The following PAQR5 variants were observed in gnomAD, a reference collection of about 807,000 sequenced individuals.
The protein encoded by PAQR5 is progestin and adipoQ receptor family member 5, also known as membrane progestin receptor gamma.
A neutral mutation model predicts 34.5 loss-of-function variants in PAQR5; 20 were observed. That is an observed-to-expected ratio of 0.58 (90% CI 0.41 to 0.84). The LOEUF is 0.84. Ranked by LOEUF, PAQR5 falls within the 40% of genes least tolerant of loss-of-function variation. The pLI is 0.00. For synonymous variants in PAQR5, 131 were observed against 155.6 expected (o/e 0.84, Z 1.18); for missense variants, 378 against 412.7 (o/e 0.92, Z 0.73).
chr15:69,378,436 C>CAAA lies in PAQR5; in HGVS notation c.52-1426_52-1424dup, dbSNP rs1235264927. 7.5e-3 allele frequency among the ~76,000 whole-genome samples: 385 copies of CAAA among 51,118 alleles called. 7 individuals carry two copies. The highest frequency in any genetic ancestry group is 0.032 in the Middle Eastern group (2 of 62). The allele number at this position is 51,118 out of a possible 152,430, so 33.5% of individuals were successfully genotyped here. On this transcript the variant is annotated intron_variant, in intron 3 of 8. Coordinates refer to ENST00000395407, the MANE Select transcript of PAQR5 (RefSeq NM_017705.4). ...TGGGCTTCAGATCAAGACCCTGTCT[C>CAAA]AAAAAAAAAAAAAAAAAAAAAAAGA...
At position 69,403,992 on chromosome 15, in the gene PAQR5, A is replaced by G; in HGVS notation, c.*170A>G. 1 of 665,152 alleles carries G rather than the reference A, an allele frequency of 1.5e-6. No individual in the cohort carries two copies. Among genetic ancestry groups the G allele is most frequent in the Non-Finnish European group, 2.5e-6 (1 of 399,880 alleles). The allele number at this position is 665,152 out of a possible 1,614,324, so 41.2% of individuals were successfully genotyped here. On this transcript the variant is annotated 3_prime_UTR_variant, in exon 9 of 9. Coordinates refer to ENST00000395407, the MANE Select transcript of PAQR5 (RefSeq NM_017705.4). ...TATTCAGCTGGGGAAATTTCTCTAAATGTACACTGATTCTGTGTGTGTGAT... is the reference window on the plus strand; with the variant it reads ...TATTCAGCTGGGGAAATTTCTCTAAGTGTACACTGATTCTGTGTGTGTGAT...
chr15:69,315,861 A>T (rs931061852), intron 1 of PAQR5, among the ~76,000 whole-genome samples: 2 of 152,008 alleles, frequency 1.3e-5, no homozygotes, highest in Non-Finnish European at 2.9e-5. Flanking sequence ...CAGCCCCTCC[A>T]CTGTCATGCA....
At chr15:69,393,159 C>G (rs1212364392) in intron 6 of PAQR5, among the ~76,000 whole-genome samples, 2 of 109,692 alleles carry the variant, frequency 1.8e-5, no homozygotes, top group African/African-American at 7.2e-5. Context: ...CACACTCTTG[C>G]ACCCAAAGGT....
At chr15:69,307,310 A>G (rs2053740534) in intron 1 of PAQR5, among the ~76,000 whole-genome samples, 1 of 152,086 alleles carries the variant, frequency 6.6e-6, no homozygotes, top group Admixed American at 6.6e-5. Context: ...CCCTGCTCTC[A>G]CTTCCTTTGG....
At chr15:69,397,104 T>C in intron 6 of PAQR5, 7 of 414,406 alleles carry the variant, frequency 1.7e-5, no homozygotes, top group Non-Finnish European at 3.0e-5. Flanking sequence ...GATCCCCCGA[T>C]TCCCCCTACC....
intron 6 of PAQR5, among the ~76,000 whole-genome samples, chr15:69,394,960 G>C (rs894396594): frequency 2.0e-5 from 3 of 152,178 alleles, no homozygotes; most frequent in Non-Finnish European, 4.4e-5. Context: ...TTTGCCCCTG[G>C]GGAAACACTT....
chr15:69,390,655 C>T (rs2056242124), intron 6 of PAQR5, among the ~76,000 whole-genome samples: 1 of 152,186 alleles, frequency 6.6e-6, no homozygotes, highest in South Asian at 2.1e-4. Context: ...GTAATGTACC[C>T]AGGACACTTA....
intron 1 of PAQR5, among the ~76,000 whole-genome samples, chr15:69,328,676 G>A (rs2054307893): frequency 6.6e-6 from 1 of 152,220 alleles, no homozygotes; most frequent in East Asian, 1.9e-4. Flanking sequence ...CTTACCCTGA[G>A]TGGCCCACAG....
At chr15:69,389,517 A>T in intron 5 of PAQR5, 137 bp from the exon 6 acceptor site, 1 of 1,050,322 alleles carries the variant, frequency 9.5e-7, no homozygotes, top group Non-Finnish European at 1.4e-6. Context: ...TAGAAGGGGG[A>T]ATGGCACCAG....
At chr15:69,328,813 G>A (rs1371758179) in intron 1 of PAQR5, among the ~76,000 whole-genome samples, 1 of 152,208 alleles carries the variant, frequency 6.6e-6, no homozygotes, top group Non-Finnish European at 1.5e-5. Context: ...TGGTTGCCTT[G>A]GGTGCGGACT....
chr15:69,310,910 G>A (rs990206253), intron 1 of PAQR5, among the ~76,000 whole-genome samples: 1 of 151,464 alleles, frequency 6.6e-6, no homozygotes, highest in South Asian at 2.1e-4. Flanking sequence ...GTGGTGGCGG[G>A]CGCCTGTAGT....
At chr15:69,379,689 G>A (rs2055825446) in intron 3 of PAQR5, 194 bp from the exon 4 acceptor site, 1 of 824,410 alleles carries the variant, frequency 1.2e-6, no homozygotes, top group Non-Finnish European at 1.5e-6. Context: ...CAGCTAGCTG[G>A]AGGCTTCTTG....
At chr15:69,335,437 G>C (rs963411931) in intron 1 of PAQR5, among the ~76,000 whole-genome samples, 67 of 150,502 alleles carry the variant, frequency 4.5e-4, no homozygotes, top group African/African-American at 1.6e-3. Context: ...TAGAGAAGGG[G>C]TTTCTCCATG....
chr15:69,332,045 T>C (rs1437789707), intron 1 of PAQR5, among the ~76,000 whole-genome samples: 1 of 152,108 alleles, frequency 6.6e-6, no homozygotes, highest in Admixed American at 6.6e-5. Context: ...GCAAAAAGGG[T>C]GAGAAATTCT....
chr15:69,346,209 A>G (rs1231434979), intron 2 of PAQR5, among the ~76,000 whole-genome samples: 1 of 151,440 alleles, frequency 6.6e-6, no homozygotes, highest in Non-Finnish European at 1.5e-5. Context: ...AGTTCATTTT[A>G]TGCTCAATCA....
chr15:69,384,419 C>T (rs374453852), intron 4 of PAQR5, among the ~76,000 whole-genome samples: 125 of 40,552 alleles, frequency 3.1e-3, no homozygotes, highest in South Asian at 4.4e-3. Context: ...GCGGGCCCTC[C>T]GTGTTCATGG....
At chr15:69,361,019 A>G (rs1442563255) in intron 3 of PAQR5, among the ~76,000 whole-genome samples, 1 of 152,218 alleles carries the variant, frequency 6.6e-6, no homozygotes, top group Non-Finnish European at 1.5e-5. Context: ...GGAAGATGGC[A>G]TGGGGGAAAA....
intron 8 of PAQR5, chr15:69,401,164 G>C (rs551245789): frequency 6.6e-6 from 1 of 152,416 alleles, no homozygotes; most frequent in South Asian, 2.1e-4. Flanking sequence ...TGGCTAGGAG[G>C]AGGAACCCTT....
At chr15:69,375,708 G>C (rs2055687676) in intron 3 of PAQR5, among the ~76,000 whole-genome samples, 1 of 152,050 alleles carries the variant, frequency 6.6e-6, no homozygotes, top group South Asian at 2.1e-4. Flanking sequence ...ACCTCTCCAG[G>C]CCTCAGTTTC....
Sources: allele counts gnomAD v4.1 joint callset (sites outside exome capture counted in the v4.1 genomes callset), GRCh38; gene constraint gnomAD v4.1.1; transcripts MANE v1.5; gene names NCBI Gene and HGNC (gene_info 2026-07-23, HGNC 2026-07-21).